The following MINAR2 variants were observed in gnomAD, a reference collection of about 807,000 sequenced individuals.
MINAR2 encodes membrane integral NOTCH2 associated receptor 2.
Under a neutral mutation model 16.1 loss-of-function variants are expected in MINAR2, and 21 were observed. That is an observed-to-expected ratio of 1.31 (90% CI 0.93 to 1.88). The LOEUF (loss-of-function observed/expected upper bound fraction) is 1.88, where lower values mean the gene tolerates loss of function less well. Among genes scored for constraint, MINAR2 ranks in the 40% most tolerant of loss-of-function variants. The probability of loss-of-function intolerance (pLI) is 0.00; values close to 1 mark genes in which losing one functional copy is unlikely to be tolerated. For synonymous variants in MINAR2, 86 were observed against 83.0 expected, an observed-to-expected ratio of 1.04 and a Z score of -0.20; for missense variants, 259 against 229.8, an observed-to-expected ratio of 1.13 and a Z score of -0.82.
chr5:129,759,289 A>G (rs1278154382), intron 1 of MINAR2, among the ~76,000 whole-genome samples: 1 of 152,092 alleles, frequency 6.6e-6, no homozygotes, highest in East Asian at 1.9e-4. Context: ...TAAGGAAATG[A>G]GCCACTTCTT....
chr5:129,760,626 A>G, intron 2 of MINAR2, 21 bp downstream of exon 2: 1 of 1,485,174 alleles, frequency 6.7e-7, no homozygotes, highest in Non-Finnish European at 9.1e-7. Context: ...CTAAGAGTCA[A>G]CCTCTTCAAC....
chr5:129,760,648 A>C, intron 2 of MINAR2, 43 bp downstream of exon 2: 1 of 1,377,060 alleles, frequency 7.3e-7, no homozygotes, highest in African/African-American at 1.4e-5. Context: ...GATAAGGGAG[A>C]TCAGTCAAAT....
At chr5:129,751,809 T>C (rs956180213) in intron 1 of MINAR2, among the ~76,000 whole-genome samples, 1 of 152,212 alleles carries the variant, frequency 6.6e-6, no homozygotes, top group Non-Finnish European at 1.5e-5. Flanking sequence ...CAAATATTTC[T>C]GCCAACCCCT....
chr5:129,754,465 C>T (rs1758030566), intron 1 of MINAR2, among the ~76,000 whole-genome samples: 2 of 152,166 alleles, frequency 1.3e-5, no homozygotes, highest in Non-Finnish European at 2.9e-5. Flanking sequence ...AAGGATTACA[C>T]TGAATGCATA....
intron 1 of MINAR2, 27 bp from the exon 2 acceptor site, chr5:129,760,351 G>T: frequency 6.6e-7 from 1 of 1,514,868 alleles, no homozygotes; most frequent in South Asian, 1.2e-5. Flanking sequence ...CCGTTGCTAA[G>T]AGATGCCTTG....
intron 1 of MINAR2, among the ~76,000 whole-genome samples, chr5:129,755,321 C>T (rs1758041484): frequency 6.6e-6 from 1 of 152,034 alleles, no homozygotes; most frequent in Non-Finnish European, 1.5e-5. Context: ...TGACTGCCCT[C>T]ATCTGAAGTT....
At position 129,766,273 on chromosome 5, in the gene MINAR2, A is replaced by AT. The variant is rs1476283175; in HGVS notation, c.*1214dup. On this transcript the variant is annotated 3_prime_UTR_variant, in exon 3 of 3. Transcript: ENST00000564719. ...CTTCTTCTCATGAGCCTAAAGTCAG[A>AT]TTTTGTCCCTTGATATTGCCATATC... 6.6e-6 allele frequency: 1 copy of AT among 152,220 alleles called. No homozygotes were observed. Among genetic ancestry groups the AT allele is most frequent in the Non-Finnish European group, 1.5e-5 (1 of 68,022 alleles). 9.4% of individuals were successfully genotyped at this position (152,220 alleles called of 1,614,324 possible).
chr5:129,749,209 C>T (rs1458374257), intron 1 of MINAR2, among the ~76,000 whole-genome samples: 1 of 152,268 alleles, frequency 6.6e-6, no homozygotes, highest in East Asian at 1.9e-4. Flanking sequence ...ACAGATGTGA[C>T]TGACCTACAA....
chr5:129,758,317 T>C (rs1282761734), intron 1 of MINAR2, among the ~76,000 whole-genome samples: 1 of 151,932 alleles, frequency 6.6e-6, no homozygotes, highest in Non-Finnish European at 1.5e-5. Flanking sequence ...AAGATACAAA[T>C]AAAAGCTCAA....
chr5:129,762,066 G>A (rs1758143459), intron 2 of MINAR2, among the ~76,000 whole-genome samples: 1 of 151,922 alleles, frequency 6.6e-6, no homozygotes, highest in Admixed American at 6.6e-5. Flanking sequence ...TAATGCATGC[G>A]GGACTTAAAA....
chr5:129,755,494 T>C (rs1370224901), intron 1 of MINAR2, among the ~76,000 whole-genome samples: 1 of 151,306 alleles, frequency 6.6e-6, no homozygotes, highest in East Asian at 1.9e-4. Flanking sequence ...AAACTATTGA[T>C]TCGACTAGTC....
intron 1 of MINAR2, among the ~76,000 whole-genome samples, chr5:129,757,173 A>G (rs1186618897): frequency 6.6e-6 from 1 of 151,724 alleles, no homozygotes; most frequent in Non-Finnish European, 1.5e-5. Context: ...AAAGAAAGTG[A>G]GCCAAAATCT....
intron 2 of MINAR2, among the ~76,000 whole-genome samples, chr5:129,762,962 C>A (rs182550245): frequency 1.6e-4 from 24 of 152,018 alleles, no homozygotes; most frequent in African/African-American, 4.6e-4. Context: ...GGTTAAGTAA[C>A]AGAATAATGA....
intron 2 of MINAR2, among the ~76,000 whole-genome samples, chr5:129,763,197 G>A (rs1201782282): frequency 6.6e-6 from 1 of 152,086 alleles, no homozygotes; most frequent in Non-Finnish European, 1.5e-5. Flanking sequence ...CTAAAGCAGT[G>A]GACTCTGAGG....
chr5:129,765,675 C>A lies in MINAR2; in HGVS notation c.*612C>A, dbSNP rs976128128. On this transcript the variant is annotated 3_prime_UTR_variant, in exon 3 of 3. Coordinates refer to ENST00000564719, the MANE Select transcript of MINAR2 (RefSeq NM_001257308.2). ...ATTTCCCCAGTAATCATCTATGATG[C>A]CCCAATTTCATGTTGCAATTTTAAT... 2 of 152,094 alleles carry A rather than the reference C, an allele frequency of 1.3e-5. No individual in the cohort carries two copies. The highest frequency in any genetic ancestry group is 4.8e-5 in the African/African-American group (2 of 41,416). The allele number at this position is 152,094 out of a possible 1,614,324, so 9.4% of individuals were successfully genotyped here.
chr5:129,760,303 G>A (rs190289531), intron 1 of MINAR2, 75 bp from the exon 2 acceptor site: 1 of 1,046,768 alleles, frequency 9.6e-7, no homozygotes, highest in Non-Finnish European at 1.4e-6. Flanking sequence ...ACATTATCAG[G>A]TAGTTATCTC....
At chr5:129,755,479 G>T (rs1210791402) in intron 1 of MINAR2, among the ~76,000 whole-genome samples, 2 of 151,892 alleles carry the variant, frequency 1.3e-5, no homozygotes, top group African/African-American at 4.8e-5. Flanking sequence ...TTTGGAGGAG[G>T]TTTAAAACTA....
intron 1 of MINAR2, among the ~76,000 whole-genome samples, chr5:129,758,335 C>T (rs943561616): frequency 1.1e-4 from 17 of 151,820 alleles, no homozygotes; most frequent in Admixed American, 5.3e-4. Context: ...CAACCAAAAG[C>T]GTATTGCTTA....
intron 2 of MINAR2, among the ~76,000 whole-genome samples, chr5:129,763,124 T>G (rs747512519): frequency 6.6e-6 from 1 of 152,126 alleles, no homozygotes; most frequent in Non-Finnish European, 1.5e-5. Context: ...GAGTGCCATG[T>G]TTTACTACAA....
Sources: gnomAD v4.1 joint callset for allele counts (sites outside exome capture counted in the v4.1 genomes callset) on GRCh38, gnomAD v4.1.1 for gene constraint, MANE v1.5 for transcripts, NCBI Gene and HGNC (gene_info 2026-07-23, HGNC 2026-07-21) for gene names.